The following CORIN variants were observed in gnomAD, a reference collection of about 807,000 sequenced individuals.
CORIN encodes atrial natriuretic peptide-converting enzyme.
CORIN carries 117 observed loss-of-function variants against 125.3 expected under a neutral mutation model. The observed-to-expected ratio is 0.93, with a 90% confidence interval of 0.80 to 1.09. The LOEUF is 1.09. Ranked by LOEUF, CORIN falls within the 50% of genes least tolerant of loss-of-function variation. The pLI is 0.00. For synonymous variants in CORIN, 450 were observed against 466.4 expected (o/e 0.96, Z 0.45); for missense variants, 1,253 against 1,306.7 (o/e 0.96, Z 0.63).
intron 5 of CORIN, among the ~76,000 whole-genome samples, chr4:47,702,282 G>A (rs756120053): frequency 6.6e-6 from 1 of 151,946 alleles, no homozygotes; most frequent in African/African-American, 2.4e-5. Context: ...AATACAGGAT[G>A]GTTTCTATAA....
chr4:47,658,486 G>C (rs904675129), intron 12 of CORIN, among the ~76,000 whole-genome samples: 1 of 152,234 alleles, frequency 6.6e-6, no homozygotes, highest in Non-Finnish European at 1.5e-5. Context: ...CCATGAAACA[G>C]TGACCCATTG....
intron 1 of CORIN, among the ~76,000 whole-genome samples, chr4:47,827,338 A>T (rs1477642963): frequency 1.3e-5 from 2 of 152,224 alleles, no homozygotes; most frequent in African/African-American, 4.8e-5. Flanking sequence ...ACATTTATCC[A>T]GCAACATGCA....
At chr4:47,654,577 C>T (rs1425436371) in intron 12 of CORIN, among the ~76,000 whole-genome samples, 2 of 152,210 alleles carry the variant, frequency 1.3e-5, no homozygotes, top group Non-Finnish European at 2.9e-5. Context: ...GAAAGCAACA[C>T]CAGGCAGAGC....
intron 1 of CORIN, among the ~76,000 whole-genome samples, chr4:47,815,188 A>G (rs1230851366): frequency 6.6e-6 from 1 of 152,160 alleles, no homozygotes; most frequent in East Asian, 1.9e-4. Context: ...CCGTATCTGC[A>G]AATAAGGCAT....
At chr4:47,754,964 G>T (rs1330306175) in intron 4 of CORIN, among the ~76,000 whole-genome samples, 1 of 152,132 alleles carries the variant, frequency 6.6e-6, no homozygotes, top group African/African-American at 2.4e-5. Context: ...GAAAACCTAT[G>T]CTAAATTTAA....
chr4:47,602,732 T>A (rs1721493548), intron 20 of CORIN, among the ~76,000 whole-genome samples: 1 of 152,168 alleles, frequency 6.6e-6, no homozygotes. Flanking sequence ...CATCTGAGCT[T>A]GGCCATTTTA....
rs150406871 is a variant in CORIN, at chr4:47,670,708, C to T, written c.1357+3685G>A. Among the ~76,000 whole-genome samples, 544 of 152,236 alleles carry T rather than the reference C, an allele frequency of 3.6e-3. 2 individuals are homozygous for T. Among genetic ancestry groups the T allele is most frequent in the African/African-American group, 0.012 (515 of 41,552 alleles). On this transcript the variant is annotated intron_variant, in intron 10 of 21. Coordinates refer to ENST00000273857, the MANE Select transcript of CORIN (RefSeq NM_006587.4). ...AGGCAGGAGAGACATGCCCAGGAGT[C>T]GCTTTTGCAGGTTCTCCCCATTGTC...
intron 12 of CORIN, among the ~76,000 whole-genome samples, chr4:47,654,890 A>G (rs1465960238): frequency 1.3e-5 from 2 of 148,376 alleles, no homozygotes; most frequent in Non-Finnish European, 3.0e-5. Context: ...GGCACAGCTC[A>G]CAGCTCAGAA....
chr4:47,811,352 T>G (rs1293172683), intron 1 of CORIN, among the ~76,000 whole-genome samples: 1 of 152,216 alleles, frequency 6.6e-6, no homozygotes, highest in Non-Finnish European at 1.5e-5. Flanking sequence ...TACGAGGTTT[T>G]GAGTCCATTT....
intron 5 of CORIN, among the ~76,000 whole-genome samples, chr4:47,730,728 A>C (rs1727839902): frequency 6.6e-6 from 1 of 152,200 alleles, no homozygotes. Flanking sequence ...TATGACTGGT[A>C]TTCTCCCGCA....
chr4:47,834,411 C>T (rs1384668609), intron 1 of CORIN, among the ~76,000 whole-genome samples: 2 of 152,054 alleles, frequency 1.3e-5, no homozygotes, highest in Non-Finnish European at 1.5e-5. Flanking sequence ...CAGTCAAACT[C>T]ATAGAAGCAG....
chr4:47,728,349 T>C (rs969112809), intron 5 of CORIN, among the ~76,000 whole-genome samples: 1 of 152,158 alleles, frequency 6.6e-6, no homozygotes, highest in Non-Finnish European at 1.5e-5. Context: ...TAGTATCCTT[T>C]CCCAGGAATT....
intron 6 of CORIN, among the ~76,000 whole-genome samples, chr4:47,684,340 T>C (rs1032405290): frequency 9.9e-5 from 15 of 152,206 alleles, no homozygotes; most frequent in African/African-American, 3.6e-4. Context: ...AATCCTCAAA[T>C]AAGCAAGTAC....
intron 16 of CORIN, among the ~76,000 whole-genome samples, chr4:47,635,245 G>A (rs974592449): frequency 1.3e-5 from 2 of 152,200 alleles, no homozygotes; most frequent in African/African-American, 4.8e-5. Context: ...ACAGATTGGT[G>A]TTGTATCAGA....
At chr4:47,629,045 A>C (rs542942600) in intron 16 of CORIN, among the ~76,000 whole-genome samples, 74 of 152,108 alleles carry the variant, frequency 4.9e-4, no homozygotes, top group Non-Finnish European at 9.7e-4. Flanking sequence ...TTTCCTTTAG[A>C]TATATACCCA....
At chr4:47,628,949 A>G (rs182804494) in intron 16 of CORIN, among the ~76,000 whole-genome samples, 18 of 152,290 alleles carry the variant, frequency 1.2e-4, no homozygotes, top group Admixed American at 3.9e-4. Context: ...ACTTATCAGC[A>G]AACACTGAAG....
chr4:47,601,478 G>A (rs1721446389), intron 20 of CORIN, among the ~76,000 whole-genome samples: 1 of 151,902 alleles, frequency 6.6e-6, no homozygotes, highest in East Asian at 1.9e-4. Flanking sequence ...AAGTAGCTGG[G>A]ACTACAGGCA....
chr4:47,800,706 C>T (rs1314077206), intron 2 of CORIN, among the ~76,000 whole-genome samples: 3 of 152,136 alleles, frequency 2.0e-5, no homozygotes, highest in Non-Finnish European at 4.4e-5. Flanking sequence ...CACCACAGAG[C>T]AAGAAGCGAC....
At chr4:47,671,920 G>A (rs535580828) in intron 10 of CORIN, among the ~76,000 whole-genome samples, 1 of 152,198 alleles carries the variant, frequency 6.6e-6, no homozygotes, top group African/African-American at 2.4e-5. Flanking sequence ...CAGGAGTAAT[G>A]AGGGCAAGTG....
Sources: allele counts gnomAD v4.1 joint callset (sites outside exome capture counted in the v4.1 genomes callset), GRCh38; gene constraint gnomAD v4.1.1; transcripts MANE v1.5; gene names NCBI Gene and HGNC (gene_info 2026-07-23, HGNC 2026-07-21).